Variants in ICA1 observed in about 807,000 individuals in gnomAD.
ICA1 encodes islet cell autoantigen 1, also known as 69 kDa islet cell autoantigen.
Under a neutral mutation model 71.0 loss-of-function variants are expected in ICA1, and 40 were observed. That is an observed-to-expected ratio of 0.56 (90% CI 0.44 to 0.73). The LOEUF (loss-of-function observed/expected upper bound fraction) is 0.73, where lower values mean the gene tolerates loss of function less well. Ranked by LOEUF, ICA1 falls within the 30% of genes least tolerant of loss-of-function variation. The pLI is 0.00. For synonymous variants in ICA1, 207 were observed against 209.5 expected (o/e 0.99, Z 0.10); for missense variants, 578 against 576.5 (o/e 1.00, Z -0.03).
At chr7:8,154,163 T>C (rs1800677373) in intron 8 of ICA1, among the ~76,000 whole-genome samples, 1 of 152,132 alleles carries the variant, frequency 6.6e-6, no homozygotes, top group Non-Finnish European at 1.5e-5. Context: ...CATAAAACAT[T>C]ACAACAAAAT....
At chr7:8,259,562 CTGAG>C (rs752650680) in intron 1 of ICA1, among the ~76,000 whole-genome samples, 4 of 152,196 alleles carry the variant, frequency 2.6e-5, no homozygotes, top group Non-Finnish European at 5.9e-5. Flanking sequence ...TTTATTACTA[CTGAG>C]TGAGTCCTAT....
chr7:8,191,322 G>A (rs1476448511), intron 6 of ICA1, among the ~76,000 whole-genome samples: 1 of 152,168 alleles, frequency 6.6e-6, no homozygotes, highest in Non-Finnish European at 1.5e-5. Flanking sequence ...GCCATGGTTT[G>A]ATTTATGATT....
intron 6 of ICA1, among the ~76,000 whole-genome samples, chr7:8,183,927 T>C (rs183640810): frequency 8.4e-4 from 128 of 152,292 alleles, no homozygotes; most frequent in Non-Finnish European, 8.5e-4. Flanking sequence ...ATAAAAAACA[T>C]AGTATTTGAA....
intron 6 of ICA1, among the ~76,000 whole-genome samples, chr7:8,195,701 C>A (rs544249039): frequency 1.3e-5 from 2 of 151,842 alleles, no homozygotes; most frequent in Admixed American, 6.6e-5. Context: ...AACATCCGGC[C>A]GGGCACAGTG....
chr7:8,132,298 A>G lies in ICA1; in HGVS notation c.1061-4156T>C, dbSNP rs2128090487. Reference sequence around the variant, plus strand: ...AGCACCTTTAGTCTTTCATTTTCCAATGCTTCCTTCCCCTAGCCGCAGGAG... The same window carrying G: ...AGCACCTTTAGTCTTTCATTTTCCAGTGCTTCCTTCCCCTAGCCGCAGGAG... On this transcript the variant is annotated intron_variant, in intron 12 of 13. Transcript: ENST00000402384. This position sits in a 1 kb window ranked among gnomAD's most constrained non-coding sequence, Gnocchi z 4.5. Among the ~76,000 whole-genome samples, 1 of 151,982 alleles carries G rather than the reference A, an allele frequency of 6.6e-6. No individual in the cohort carries two copies. Among genetic ancestry groups the G allele is most frequent in the Middle Eastern group, 3.4e-3 (1 of 294 alleles).
At chr7:8,241,421 A>C (rs1266998993) in intron 1 of ICA1, among the ~76,000 whole-genome samples, 2 of 152,240 alleles carry the variant, frequency 1.3e-5, no homozygotes, top group Non-Finnish European at 2.9e-5. Flanking sequence ...AGGAAGCACT[A>C]AACATGGAAA....
chr7:8,206,560 TGGGTAACCC>T (rs1791601317), intron 6 of ICA1, among the ~76,000 whole-genome samples: 1 of 152,124 alleles, frequency 6.6e-6, no homozygotes, highest in Non-Finnish European at 1.5e-5. Context: ...ATTATTTTAA[TGGGTAACCC>T]GTGCACATGG....
Position 8,223,674 on chromosome 7 carries a change from C to T in ICA1, c.257-2276G>A, listed in dbSNP as rs1459167334. On this transcript the variant is annotated intron_variant, in intron 4 of 13. Coordinates refer to ENST00000402384, the MANE Select transcript of ICA1 (RefSeq NM_001136020.3). The surrounding 1 kb of genome is among the most constrained non-coding windows in gnomAD (Gnocchi z 4.1). ...GAGTGTGGTGGTTCACACCTGCAGT[C>T]CCAGCACTTTTGGGAGGTAGAGGCA... The T allele has an allele frequency of 6.6e-6, 1 of 152,614 alleles. No individual in the cohort carries two copies. Among genetic ancestry groups the T allele is most frequent in the African/African-American group, 2.4e-5 (1 of 41,422 alleles). The allele number at this position is 152,614 out of a possible 1,614,324, so 9.5% of individuals were successfully genotyped here.
intron 6 of ICA1, among the ~76,000 whole-genome samples, chr7:8,167,697 T>A (rs763729421): frequency 5.9e-5 from 9 of 152,124 alleles, no homozygotes; most frequent in Admixed American, 4.6e-4. Flanking sequence ...TAACGTGGTT[T>A]AAATGGGGGG....
In ICA1 at chr7:8,226,365, G is replaced by A. The variant is rs1226169363; in HGVS notation, c.256+2236C>T. 1.3e-5 allele frequency among the ~76,000 whole-genome samples: 2 copies of A among 151,660 alleles called. No individual in the cohort carries two copies. The highest frequency in any genetic ancestry group is 4.9e-5 in the African/African-American group (2 of 41,070). On this transcript the variant is annotated intron_variant, in intron 4 of 13. Coordinates refer to ENST00000402384, the MANE Select transcript of ICA1 (RefSeq NM_001136020.3). The surrounding 1 kb of genome is among the most constrained non-coding windows in gnomAD (Gnocchi z 4.4). ...CTAGATATAGATATAGATATAGATG[G>A]TAAAATGTGATGCAATGTAAAAAAA...
chr7:8,209,073 A>C (rs977034018), intron 6 of ICA1, among the ~76,000 whole-genome samples: 6 of 152,194 alleles, frequency 3.9e-5, no homozygotes, highest in African/African-American at 1.4e-4. Flanking sequence ...TAGGAAGAAA[A>C]GCCAGACAAT....
At chr7:8,232,027 T>A (rs578044827) in intron 3 of ICA1, among the ~76,000 whole-genome samples, 1 of 152,304 alleles carries the variant, frequency 6.6e-6, no homozygotes, top group South Asian at 2.1e-4. Flanking sequence ...AAAATTTTAA[T>A]CTAAACTATT....
intron 6 of ICA1, among the ~76,000 whole-genome samples, chr7:8,196,815 T>C (rs921414060): frequency 3.7e-4 from 56 of 152,292 alleles, no homozygotes; most frequent in African/African-American, 1.3e-3. Context: ...CAGGTGGAGA[T>C]AAATGAATCA....
intron 13 of ICA1, among the ~76,000 whole-genome samples, chr7:8,122,679 G>C (rs1417195146): frequency 6.6e-6 from 1 of 152,248 alleles, no homozygotes; most frequent in Non-Finnish European, 1.5e-5. Context: ...GGTGAGCACT[G>C]CTTGAGGAAA....
chr7:8,227,697 T>C, intron 4 of ICA1: 2 of 418,608 alleles, frequency 4.8e-6, no homozygotes, highest in East Asian at 7.9e-5. Context: ...TCCTCCTGCC[T>C]CAGCCTCCTG....
chr7:8,257,879 C>G (rs1021513549), intron 1 of ICA1, among the ~76,000 whole-genome samples: 14 of 152,194 alleles, frequency 9.2e-5, no homozygotes, highest in African/African-American at 3.1e-4. Flanking sequence ...CACATAGACA[C>G]TGGGCTCCAG....
At chr7:8,138,155 ACT>A (rs1183322124) in intron 12 of ICA1, among the ~76,000 whole-genome samples, 2 of 151,978 alleles carry the variant, frequency 1.3e-5, no homozygotes, top group Admixed American at 6.5e-5. Flanking sequence ...ATTACTTAAC[ACT>A]CTACATTCTC....
rs553129287 is a variant in ICA1 at position 8,170,131 on chromosome 7, T to C, written c.580-11479A>G. ...GGATACCCAATAGTCCAAGCACCACTTCTTGAAAAACCGCCTTAACTTGGC... is the reference window on the plus strand; with the variant it reads ...GGATACCCAATAGTCCAAGCACCACCTCTTGAAAAACCGCCTTAACTTGGC... On this transcript the variant is annotated intron_variant, in intron 6 of 13. Coordinates refer to ENST00000402384, the MANE Select transcript of ICA1 (RefSeq NM_001136020.3). Among the ~76,000 whole-genome samples the C allele has an allele frequency of 4.6e-5, 7 of 152,142 alleles. No individual in the cohort carries two copies. The South Asian group carries it at 1.2e-3, about 27-fold the overall frequency.
intron 13 of ICA1, among the ~76,000 whole-genome samples, chr7:8,126,143 C>A (rs539902432): frequency 4.6e-5 from 7 of 152,356 alleles, no homozygotes; most frequent in African/African-American, 1.7e-4. Flanking sequence ...GCCACCCTGG[C>A]TAAGCAGCAA....
Sources: gnomAD v4.1 joint callset for allele counts (sites outside exome capture counted in the v4.1 genomes callset) on GRCh38, gnomAD v4.1.1 for gene constraint, Gnocchi (gnomAD v3.1) non-coding constraint, MANE v1.5 for transcripts, NCBI Gene and HGNC (gene_info 2026-07-23, HGNC 2026-07-21) for gene names.